ACVR1B: variants seen among roughly 807,000 people sequenced by gnomAD.
ACVR1B encodes activin receptor type-1B.
Under a neutral mutation model 55.6 loss-of-function variants are expected in ACVR1B, and 15 were observed. The ratio of observed to expected loss-of-function variants is 0.27; its 90% confidence interval spans 0.18 to 0.42. The LOEUF (loss-of-function observed/expected upper bound fraction) is 0.42. Among genes scored for constraint, ACVR1B ranks in the 10% least tolerant of loss-of-function variants. The pLI is 1.00. For missense variants in ACVR1B, 359 were observed against 670.1 expected, an observed-to-expected ratio of 0.54 and a Z score of 5.13; for synonymous variants, 247 against 254.6, an observed-to-expected ratio of 0.97 and a Z score of 0.28.
chr12:51,972,817 A>T (rs924820785), intron 1 of ACVR1B, among the ~76,000 whole-genome samples: 9 of 152,112 alleles, frequency 5.9e-5, no homozygotes, highest in Non-Finnish European at 1.0e-4. Context: ...TTAGACATAG[A>T]TATGTGTAGA....
chr12:51,990,165 G>T (rs1026676039), intron 7 of ACVR1B, among the ~76,000 whole-genome samples: 3 of 151,552 alleles, frequency 2.0e-5, no homozygotes, highest in Admixed American at 2.0e-4. Flanking sequence ...ATGGTGGCAG[G>T]CACCTGTAAT....
In ACVR1B at chr12:51,975,422, C is replaced by T. The variant is rs2120600504; in HGVS notation, c.249C>T (p.Tyr83=). 2 of 1,614,228 alleles carry T rather than the reference C, an allele frequency of 1.2e-6. No individual in the cohort carries two copies. Among genetic ancestry groups the T allele is most frequent in the South Asian group, 1.1e-5 (1 of 91,084 alleles). The change falls in exon 2 of 9, where the codon TAC becomes TAT. Residue 83 remains tyrosine, a synonymous_variant. Transcript: ENST00000257963. ...TGGTCCCTGCCGGGAAGCCCTTCTA[C>T]TGCCTGAGCTCGGAGGACCTGCGCA... ...VELVPAGKPF[Y]CLSSEDLRNT...
At position 51,996,634 on chromosome 12, in the gene ACVR1B, TCCCCAGTTGG is replaced by T. The variant is rs1942302895; in HGVS notation, c.*2528_*2537del. 1 of 152,564 alleles carries T rather than the reference TCCCCAGTTGG, an allele frequency of 6.6e-6. No individual in the cohort carries two copies. The highest frequency in any genetic ancestry group is 2.4e-5 in the African/African-American group (1 of 41,414). The allele number at this position is 152,564 out of a possible 1,614,324, so 9.5% of individuals were successfully genotyped here. On this transcript the variant is annotated 3_prime_UTR_variant, in exon 9 of 9. Coordinates refer to ENST00000257963, the MANE Select transcript of ACVR1B (RefSeq NM_004302.5). ...GTCCACTCCCAAGCCACTAGCCCAC[TCCCCAGTTGG>T]CCCTTCTGCCCTTACCCCACACACA...
intron 1 of ACVR1B, among the ~76,000 whole-genome samples, chr12:51,957,071 C>T (rs2684333): frequency 0.97 from 147,863 of 152,250 alleles, 71,820 homozygotes; most frequent in East Asian, 1. Context: ...TGGCCTGTTT[C>T]ATGTGTTTCT....
At position 51,994,399 on chromosome 12, in the gene ACVR1B, C is replaced by T. The variant is rs1021904051; in HGVS notation, c.*289C>T. The T allele has an allele frequency of 9.1e-5, 32 of 353,008 alleles. 1 individual carries two copies. Among genetic ancestry groups the T allele is most frequent in the South Asian group, 8.5e-4 (27 of 31,698 alleles). The allele number at this position is 353,008 out of a possible 1,614,324, so 21.9% of individuals were successfully genotyped here. A position where few individuals can be genotyped will look rare whatever the true frequency, so the allele number is the denominator to read the frequency against. ...TTGTAGTGGGAAGTCCCGCGAAACC[C>T]GGTGCATCTGGCACGTGGCCAGGAG... On this transcript the variant is annotated 3_prime_UTR_variant, in exon 9 of 9. Transcript: ENST00000257963. This position sits in a 1 kb window ranked among gnomAD's most constrained non-coding sequence, Gnocchi z 4.2.
chr12:51,964,041 A>C (rs1365057814), intron 1 of ACVR1B, among the ~76,000 whole-genome samples: 1 of 152,260 alleles, frequency 6.6e-6, no homozygotes, highest in Non-Finnish European at 1.5e-5. Context: ...TTTGCAATAC[A>C]TTAGAGATGA....
At chr12:51,972,927 G>A (rs1464350270) in intron 1 of ACVR1B, among the ~76,000 whole-genome samples, 1 of 152,016 alleles carries the variant, frequency 6.6e-6, no homozygotes, top group African/African-American at 2.4e-5. Flanking sequence ...GGTAGTTGAG[G>A]CCCAGATAGG....
chr12:51,961,128 CCT>C (rs1210016409), intron 1 of ACVR1B, among the ~76,000 whole-genome samples: 5 of 152,190 alleles, frequency 3.3e-5, no homozygotes, highest in African/African-American at 1.2e-4. Flanking sequence ...GTGATTCCAT[CCT>C]CTCTGCTTTT....
Position 51,990,286 on chromosome 12 carries a change from T to TCA in ACVR1B, c.1262-1562_1262-1561dup, listed in dbSNP as rs202177119. Among the ~76,000 whole-genome samples the TCA allele has an allele frequency of 5.3e-3, 731 of 138,696 alleles. 2 individuals are homozygous for TCA. Among genetic ancestry groups the TCA allele is most frequent in the African/African-American group, 0.016 (616 of 37,720 alleles). 91.0% of individuals were successfully genotyped at this position (138,696 alleles called of 152,430 possible). A position where few individuals can be genotyped will look rare whatever the true frequency, so the allele number is the denominator to read the frequency against. On this transcript the variant is annotated intron_variant, in intron 7 of 8. Transcript: ENST00000257963. ...CCAGCCTGGGTGGCAAGAGTGAAACTCACACACACACACACAAATTTAGTG... is the reference window on the plus strand; with the variant it reads ...CCAGCCTGGGTGGCAAGAGTGAAACTCACACACACACACACACAAATTTAGTG...
chr12:51,980,852 G>C, intron 3 of ACVR1B, 117 bp from the exon 4 acceptor site: 3 of 813,040 alleles, frequency 3.7e-6, no homozygotes, highest in Non-Finnish European at 1.9e-6. Context: ...ATGGTTAATG[G>C]ACAGCGTAGG....
chr12:51,987,498 C>T (rs1273132476), intron 7 of ACVR1B, among the ~76,000 whole-genome samples: 2 of 152,140 alleles, frequency 1.3e-5, no homozygotes, highest in Admixed American at 1.3e-4. Context: ...AGCAGAAACA[C>T]TTTTTATTGT....
chr12:51,974,804 G>T (rs1242568399), intron 1 of ACVR1B, among the ~76,000 whole-genome samples: 1 of 152,298 alleles, frequency 6.6e-6, no homozygotes, highest in East Asian at 1.9e-4. Context: ...GGATATGTAA[G>T]AAGTAGGCAG....
chr12:51,984,156 G>A lies in ACVR1B; in HGVS notation c.969G>A (p.Val323=), dbSNP rs755226416. The A allele has an allele frequency of 7.2e-5, 117 of 1,614,080 alleles. No homozygotes were observed. The highest frequency in any genetic ancestry group is 9.7e-5 in the Non-Finnish European group (115 of 1,180,052). ...TGGCACACCTGCACATGGAGATCGT[G>A]GGCACCCAAGGTGAGTGGACTAGCG... ...SGLAHLHMEI[V]GTQGKPGIAH... Residue 323 remains valine (V), a synonymous_variant, in exon 5 of 9, where the codon GTG becomes GTA. Coordinates refer to ENST00000257963, the MANE Select transcript of ACVR1B (RefSeq NM_004302.5).
intron 4 of ACVR1B, chr12:51,982,680 C>A: frequency 6.6e-7 from 1 of 1,516,212 alleles, no homozygotes; most frequent in South Asian, 1.3e-5. Flanking sequence ...ATTCCTGAAA[C>A]AACAGCAGAC....
At position 51,963,678 on chromosome 12, in the gene ACVR1B, GTTCA is replaced by G. The variant is rs1404409939; in HGVS notation, c.92-11581_92-11578del. Among the ~76,000 whole-genome samples the G allele has an allele frequency of 2.6e-5, 4 of 152,022 alleles. No homozygotes were observed. In the East Asian group the frequency reaches 7.7e-4, roughly 29 times the overall value. On this transcript the variant is annotated intron_variant, in intron 1 of 8. Transcript: ENST00000257963. ...TTCCATCATAAATATACCACATTTTGTTCATTCATCATTTGATGGACATTTGGGT... is the reference window on the plus strand; with the variant it reads ...TTCCATCATAAATATACCACATTTTGTTCATCATTTGATGGACATTTGGGT...
intron 1 of ACVR1B, among the ~76,000 whole-genome samples, chr12:51,973,246 G>A (rs975075765): frequency 6.6e-6 from 1 of 152,208 alleles, no homozygotes; most frequent in African/African-American, 2.4e-5. Flanking sequence ...CTGTGGGTTT[G>A]GGCTTGTGTC....
rs1326941381 is a variant in ACVR1B, at chr12:51,991,931, C to A, written c.1330C>A (p.Arg444=). Reference sequence around the variant, plus strand: ...CTCTGACCCTTCCATTGAGGAAATGCGAAAGGTTGTATGTGATCAGAAGCT... The same window carrying A: ...CTCTGACCCTTCCATTGAGGAAATGAGAAAGGTTGTATGTGATCAGAAGCT... ...VPSDPSIEEM[R]KVVCDQKLRP... is the part of the protein sequence containing the mutation. The change falls in exon 8 of 9, where the codon CGA becomes AGA. Residue 444 remains arginine, a synonymous_variant. Coordinates refer to ENST00000257963, the MANE Select transcript of ACVR1B (RefSeq NM_004302.5). 1.9e-6 allele frequency: 3 copies of A among 1,614,146 alleles called. No individual in the cohort carries two copies. The highest frequency in any genetic ancestry group is 3.3e-4 in the Middle Eastern group (2 of 6,062).
chr12:51,956,588 G>A (rs1941413082), intron 1 of ACVR1B, among the ~76,000 whole-genome samples: 1 of 151,948 alleles, frequency 6.6e-6, no homozygotes, highest in African/African-American at 2.4e-5. Context: ...TGTTTTATCT[G>A]TAAAATGGGG....
chr12:51,992,069 G>A (rs773816037), intron 8 of ACVR1B, 76 bp downstream of exon 8: 6 of 1,600,208 alleles, frequency 3.7e-6, no homozygotes, highest in Non-Finnish European at 5.1e-6. Flanking sequence ...TGACAATGGG[G>A]TCAGGCCCCA....
Sources: gnomAD v4.1 joint callset for allele counts (sites outside exome capture counted in the v4.1 genomes callset) on GRCh38, gnomAD v4.1.1 for gene constraint, Gnocchi (gnomAD v3.1) non-coding constraint, MANE v1.5 for transcripts, NCBI Gene and HGNC (gene_info 2026-07-23, HGNC 2026-07-21) for gene names.